The following JMJD1C variants were observed in gnomAD, a reference collection of about 807,000 sequenced individuals.
JMJD1C encodes the protein jumonji domain containing 1C.
In JMJD1C, 31 loss-of-function variants were observed where a neutral mutation model predicts 245.3. That is an observed-to-expected ratio of 0.13 (90% CI 0.09 to 0.17). The LOEUF is 0.17. Ranked by LOEUF, JMJD1C falls within the 10% of genes least tolerant of loss-of-function variation. The pLI is 1.00. For synonymous variants in JMJD1C, 1,057 were observed against 1,017.4 expected, an observed-to-expected ratio of 1.04 and a Z score of -0.74; for missense variants, 2,691 against 3,000.2, an observed-to-expected ratio of 0.90 and a Z score of 2.41.
intron 2 of JMJD1C, among the ~76,000 whole-genome samples, chr10:63,312,384 A>C (rs777505917): frequency 6.6e-6 from 1 of 152,190 alleles, no homozygotes; most frequent in Non-Finnish European, 1.5e-5. Context: ...CTGGGATTAC[A>C]GGCATGAGCC....
chr10:63,341,060 A>G (rs1943331480), intron 2 of JMJD1C, among the ~76,000 whole-genome samples: 1 of 152,256 alleles, frequency 6.6e-6, no homozygotes. Flanking sequence ...GTGTATTAAA[A>G]GAATGAATCC....
intron 1 of JMJD1C, among the ~76,000 whole-genome samples, chr10:63,475,899 G>A (rs1188525101): frequency 6.6e-6 from 1 of 152,104 alleles, no homozygotes; most frequent in Admixed American, 6.6e-5. Flanking sequence ...TTAAGTACTA[G>A]GTGATAATAG....
At chr10:63,459,874 T>C (rs1177162847) in intron 1 of JMJD1C, among the ~76,000 whole-genome samples, 1 of 152,184 alleles carries the variant, frequency 6.6e-6, no homozygotes, top group African/African-American at 2.4e-5. Flanking sequence ...AAATCCACAG[T>C]AGTATGTAGG....
At chr10:63,353,033 G>C (rs959470851) in intron 2 of JMJD1C, among the ~76,000 whole-genome samples, 1 of 152,152 alleles carries the variant, frequency 6.6e-6, no homozygotes, top group African/African-American at 2.4e-5. Context: ...TACGAGGAGA[G>C]ACTGATGGTC....
chr10:63,205,532 A>G (rs1846499422), intron 10 of JMJD1C, among the ~76,000 whole-genome samples: 3 of 152,234 alleles, frequency 2.0e-5, no homozygotes, highest in Admixed American at 2.0e-4. Context: ...GTGATGTGTA[A>G]GCGTTGTGTT....
At chr10:63,295,860 G>C (rs2133963875) in intron 2 of JMJD1C, among the ~76,000 whole-genome samples, 1 of 150,544 alleles carries the variant, frequency 6.6e-6, no homozygotes, top group South Asian at 2.1e-4. Context: ...TTTCATGTGT[G>C]TTTCTGCTTA....
upstream of JMJD1C, among the ~76,000 whole-genome samples, chr10:63,469,712 A>G (rs1181453693): frequency 6.6e-6 from 1 of 151,806 alleles, no homozygotes; most frequent in Admixed American, 6.6e-5. Flanking sequence ...TTTCAAACCT[A>G]TTATAACTTG....
At chr10:63,510,037 C>G (rs1385087860) in intron 1 of JMJD1C, among the ~76,000 whole-genome samples, 2 of 149,728 alleles carry the variant, frequency 1.3e-5, no homozygotes, top group Non-Finnish European at 3.0e-5. Flanking sequence ...GAGTCTCACT[C>G]TGTCGCCCAG....
intron 2 of JMJD1C, among the ~76,000 whole-genome samples, chr10:63,376,006 T>C (rs759040139): frequency 2.1e-4 from 32 of 152,056 alleles, no homozygotes; most frequent in South Asian, 4.1e-4. Flanking sequence ...AAGAAGAAAG[T>C]TGACGGAAAA....
At chr10:63,356,934 G>T (rs1472452952) in intron 2 of JMJD1C, among the ~76,000 whole-genome samples, 5 of 152,136 alleles carry the variant, frequency 3.3e-5, no homozygotes, top group Non-Finnish European at 7.4e-5. Flanking sequence ...CTATAAACAA[G>T]AATAATAGTG....
Position 63,213,481 on chromosome 10 carries a change from A to G in JMJD1C, c.2686T>C (p.Leu896=), listed in dbSNP as rs368708436. Residue 896 remains leucine, a synonymous_variant, in exon 8 of 26, where the codon TTA becomes CTA. Coordinates refer to ENST00000399262, the MANE Select transcript of JMJD1C (RefSeq NM_032776.3). ...ACTACAGTGTAACTTACCCTCCTTA[A>G]TGAAGCTTCAGCATTAACTGCATTT... ...PENAVNAEAS[L]RRNSPSPWLH... The G allele has an allele frequency of 7.6e-6, 12 of 1,586,164 alleles. No homozygotes were observed. The African/African-American group carries it at 1.2e-4, about 16-fold the overall frequency.
intron 1 of JMJD1C, among the ~76,000 whole-genome samples, chr10:63,399,859 T>C (rs969019112): frequency 6.6e-6 from 1 of 151,888 alleles, no homozygotes; most frequent in African/African-American, 2.4e-5. Flanking sequence ...GAAAACAAGG[T>C]ATATTCGGAG....
intron 2 of JMJD1C, among the ~76,000 whole-genome samples, chr10:63,317,729 T>C (rs1440011470): frequency 6.6e-6 from 1 of 152,216 alleles, no homozygotes; most frequent in African/African-American, 2.4e-5. Flanking sequence ...AAATATTTGA[T>C]ATCATTCCAA....
chr10:63,440,461 AT>A (rs1951319734), intron 1 of JMJD1C, among the ~76,000 whole-genome samples: 1 of 151,954 alleles, frequency 6.6e-6, no homozygotes, highest in South Asian at 2.1e-4. Context: ...AAATTCTGCA[AT>A]TTCAGTAAAC....
At chr10:63,285,834 C>CA (rs984681489) in intron 2 of JMJD1C, among the ~76,000 whole-genome samples, 3 of 151,958 alleles carry the variant, frequency 2.0e-5, no homozygotes, top group Non-Finnish European at 4.4e-5. Context: ...ACAAACAAAA[C>CA]AAAAAAACCT....
At chr10:63,402,749 G>A (rs992422383) in intron 1 of JMJD1C, among the ~76,000 whole-genome samples, 1 of 152,060 alleles carries the variant, frequency 6.6e-6, no homozygotes, top group Non-Finnish European at 1.5e-5. Flanking sequence ...GCAGTTTAAT[G>A]GGTATATTTT....
At chr10:63,448,417 A>G (rs933800559) in intron 1 of JMJD1C, among the ~76,000 whole-genome samples, 1 of 152,162 alleles carries the variant, frequency 6.6e-6, no homozygotes, top group Non-Finnish European at 1.5e-5. Context: ...TCGGCCTCCC[A>G]AAGTGCTGGA....
At chr10:63,209,771 G>A (rs1381750024) in intron 8 of JMJD1C, among the ~76,000 whole-genome samples, 2 of 152,018 alleles carry the variant, frequency 1.3e-5, no homozygotes, top group African/African-American at 4.8e-5. Flanking sequence ...TATAAACAAG[G>A]TTGCACCATT....
At chr10:63,409,606 A>C (rs543017435) in intron 1 of JMJD1C, among the ~76,000 whole-genome samples, 1 of 152,302 alleles carries the variant, frequency 6.6e-6, no homozygotes, top group East Asian at 1.9e-4. Flanking sequence ...AAGAATGACT[A>C]TTCTTGTCTC....
Sources: gnomAD v4.1 joint callset for allele counts (sites outside exome capture counted in the v4.1 genomes callset) on GRCh38, gnomAD v4.1.1 for gene constraint, MANE v1.5 for transcripts, NCBI Gene and HGNC (gene_info 2026-07-23, HGNC 2026-07-21) for gene names.